Variants in ZRANB3 observed in about 807,000 individuals in gnomAD.
ZRANB3 encodes zinc finger RANBP2-type containing 3, also known as DNA annealing helicase and endonuclease ZRANB3.
Under a neutral mutation model 133.8 loss-of-function variants are expected in ZRANB3, and 125 were observed. The observed-to-expected ratio is 0.93, with a 90% CI of 0.81 to 1.08. The LOEUF is 1.08. Among genes scored for constraint, ZRANB3 ranks in the 50% least tolerant of loss-of-function variants. The pLI is 0.00. For missense variants in ZRANB3, 1,229 were observed against 1,275.5 expected, an observed-to-expected ratio of 0.96 and a Z score of 0.56; for synonymous variants, 387 against 432.7, an observed-to-expected ratio of 0.89 and a Z score of 1.31.
At chr2:135,318,814 G>C (rs961518997) in intron 6 of ZRANB3, among the ~76,000 whole-genome samples, 10 of 151,988 alleles carry the variant, frequency 6.6e-5, no homozygotes, top group African/African-American at 2.4e-4. Flanking sequence ...ACCTTCAATA[G>C]CTCCCACTTC....
At chr2:135,411,204 C>G (rs192183866) in intron 2 of ZRANB3, among the ~76,000 whole-genome samples, 135 of 152,168 alleles carry the variant, frequency 8.9e-4, no homozygotes, top group African/African-American at 3.2e-3. Context: ...TGCCACTGCA[C>G]ACCAACCTGG....
chr2:135,331,760 T>C lies in ZRANB3; in HGVS notation c.677+13790A>G, dbSNP rs572001537. On this transcript the variant is annotated intron_variant, in intron 6 of 20. Transcript: ENST00000264159. ...GTATTGGGTGCATATATATTTAGGA[T>C]AGTTAGCTCTTCTTGTTGAATGGAT... Among the ~76,000 whole-genome samples, 3 of 152,312 alleles carry C rather than the reference T, an allele frequency of 2.0e-5. No individual in the cohort carries two copies. The East Asian group carries it at 5.8e-4, about 29-fold the overall frequency.
At chr2:135,487,110 G>A (rs769634538) in intron 2 of ZRANB3, among the ~76,000 whole-genome samples, 2 of 152,172 alleles carry the variant, frequency 1.3e-5, no homozygotes, top group Admixed American at 6.5e-5. Context: ...TACCAGGCAC[G>A]AAAACAACAT....
chr2:135,418,656 C>G (rs144540723), intron 2 of ZRANB3, among the ~76,000 whole-genome samples: 149 of 152,236 alleles, frequency 9.8e-4, no homozygotes, highest in Middle Eastern at 3.4e-3. Flanking sequence ...ATGATAGCCT[C>G]AGGAATTTAG....
chr2:135,237,684 C>A (rs1000689990), intron 12 of ZRANB3, among the ~76,000 whole-genome samples: 2 of 151,876 alleles, frequency 1.3e-5, no homozygotes, highest in South Asian at 4.2e-4. Context: ...AGCAAACTAT[C>A]GCAAGGACAA....
chr2:135,456,748 A>G (rs1178782177), intron 2 of ZRANB3, among the ~76,000 whole-genome samples: 4 of 152,166 alleles, frequency 2.6e-5, no homozygotes, highest in Non-Finnish European at 5.9e-5. Flanking sequence ...GTGGATACAA[A>G]GTACAGGATT....
In ZRANB3 at chr2:135,197,164, G is replaced by A. The variant is rs1291089493; in HGVS notation, c.*3178C>T. On this transcript the variant is annotated 3_prime_UTR_variant, in exon 21 of 21. Transcript: ENST00000264159. The stretch of plus-strand genomic sequence containing the variant: ...GAGCCCACAATTTTCCAGTTCAAAA[G>A]AACAAATGGTGGAATGAGAGACAGG... 6.6e-6 allele frequency: 1 copy of A among 152,134 alleles called. No individual in the cohort carries two copies. Among genetic ancestry groups the A allele is most frequent in the Non-Finnish European group, 1.5e-5 (1 of 68,020 alleles). The allele number at this position is 152,134 out of a possible 1,614,324, so 9.4% of individuals were successfully genotyped here.
intron 2 of ZRANB3, among the ~76,000 whole-genome samples, chr2:135,410,489 G>C (rs576667700): frequency 2.9e-4 from 44 of 152,082 alleles, no homozygotes; most frequent in Non-Finnish European, 5.1e-4. Flanking sequence ...ATTAACTCAA[G>C]ATGGTTTAAA....
In ZRANB3 at chr2:135,316,983, A is replaced by ATAT. The variant is rs1553471634; in HGVS notation, c.678-1454_678-1453insATA. Among the ~76,000 whole-genome samples, 450 of 131,406 alleles carry ATAT rather than the reference A, an allele frequency of 3.4e-3. 5 individuals carry two copies. Among genetic ancestry groups the ATAT allele is most frequent in the African/African-American group, 0.013 (410 of 31,036 alleles). 86.2% of individuals were successfully genotyped at this position (131,406 alleles called of 152,430 possible). ...CCGTCTCGAGAAAAAAAAAAAAAAA[A>ATAT]ATATATATATATATATATACTTGCA... On this transcript the variant is annotated intron_variant, in intron 6 of 20. Coordinates refer to ENST00000264159, the MANE Select transcript of ZRANB3 (RefSeq NM_032143.4).
At chr2:135,274,295 G>A (rs1394393296) in intron 9 of ZRANB3, among the ~76,000 whole-genome samples, 1 of 152,190 alleles carries the variant, frequency 6.6e-6, no homozygotes, top group African/African-American at 2.4e-5. Flanking sequence ...ATGGCTTGAT[G>A]GAGCTAACCT....
chr2:135,379,631 G>C (rs1244377714), intron 3 of ZRANB3, among the ~76,000 whole-genome samples: 1 of 152,074 alleles, frequency 6.6e-6, no homozygotes, highest in East Asian at 1.9e-4. Flanking sequence ...GTCACCACCA[G>C]GCCTGCCTTA....
chr2:135,238,530 A>T (rs760476204), intron 12 of ZRANB3, among the ~76,000 whole-genome samples: 2 of 151,874 alleles, frequency 1.3e-5, no homozygotes, highest in Non-Finnish European at 2.9e-5. Flanking sequence ...CGCCCAGCTA[A>T]TTTTTGTATT....
chr2:135,381,703 G>T (rs1005646508), intron 3 of ZRANB3, among the ~76,000 whole-genome samples: 4 of 152,144 alleles, frequency 2.6e-5, no homozygotes, highest in African/African-American at 9.7e-5. Context: ...CCACTGTTCT[G>T]CAGACTCCGC....
chr2:135,386,638 T>C (rs1686986953), intron 3 of ZRANB3, among the ~76,000 whole-genome samples: 1 of 152,152 alleles, frequency 6.6e-6, no homozygotes, highest in African/African-American at 2.4e-5. Flanking sequence ...GTGGCACATA[T>C]ACACCATGGA....
chr2:135,316,981 A>ATAT lies in ZRANB3; in HGVS notation c.678-1452_678-1451insATA, dbSNP rs1290372721. 3.5e-3 allele frequency among the ~76,000 whole-genome samples: 498 copies of ATAT among 140,584 alleles called. 1 individual carries two copies. The highest frequency in any genetic ancestry group is 0.014 in the African/African-American group (477 of 34,474). The allele number at this position is 140,584 out of a possible 152,430, so 92.2% of individuals were successfully genotyped here. Reference sequence around the variant, plus strand: ...TTCCGTCTCGAGAAAAAAAAAAAAAAAAATATATATATATATATATACTTG... The same window carrying ATAT: ...TTCCGTCTCGAGAAAAAAAAAAAAAATATAAATATATATATATATATATACTTG... On this transcript the variant is annotated intron_variant, in intron 6 of 20. Coordinates refer to ENST00000264159, the MANE Select transcript of ZRANB3 (RefSeq NM_032143.4).
At chr2:135,301,640 G>C (rs1463840509) in intron 8 of ZRANB3, among the ~76,000 whole-genome samples, 1 of 152,118 alleles carries the variant, frequency 6.6e-6, no homozygotes, top group Non-Finnish European at 1.5e-5. Flanking sequence ...TGTTTCAATT[G>C]CCTGAAATAC....
At position 135,242,901 on chromosome 2, in the gene ZRANB3, T is replaced by C. The variant is rs77093531; in HGVS notation, c.1540-11974A>G. On this transcript the variant is annotated intron_variant, in intron 12 of 20. Coordinates refer to ENST00000264159, the MANE Select transcript of ZRANB3 (RefSeq NM_032143.4). ...TTCATGAGCACACTGTTTTTACTTA[T>C]CTGTGTCTACTGATGGTAGTTTTTT... is the stretch of plus-strand genomic sequence containing the variant. Among the ~76,000 whole-genome samples, 1,085 of 152,346 alleles carry C rather than the reference T, an allele frequency of 7.1e-3. 11 individuals carry two copies. Among genetic ancestry groups the C allele is most frequent in the African/African-American group, 0.024 (1,015 of 41,576 alleles).
At chr2:135,435,948 T>G (rs1339544861) in intron 2 of ZRANB3, among the ~76,000 whole-genome samples, 3 of 152,238 alleles carry the variant, frequency 2.0e-5, no homozygotes, top group African/African-American at 7.2e-5. Context: ...TTCTCTTTAC[T>G]CTGTTGACAG....
chr2:135,340,454 CTTAT>C (rs1684598674), intron 6 of ZRANB3, among the ~76,000 whole-genome samples: 1 of 151,912 alleles, frequency 6.6e-6, no homozygotes, highest in Non-Finnish European at 1.5e-5. Context: ...GCAATTGTTG[CTTAT>C]TTATTTTTTC....
Sources: gnomAD v4.1 joint callset for allele counts (sites outside exome capture counted in the v4.1 genomes callset) on GRCh38, gnomAD v4.1.1 for gene constraint, MANE v1.5 for transcripts, NCBI Gene and HGNC (gene_info 2026-07-23, HGNC 2026-07-21) for gene names.